Variants in NAT10 observed in about 807,000 individuals in gnomAD.
The protein encoded by NAT10 is N-acetyltransferase 10.
In NAT10, 109 loss-of-function variants were observed where a neutral mutation model predicts 132.2. That is an observed-to-expected ratio of 0.82 (90% CI 0.71 to 0.97). The LOEUF is 0.97. NAT10 is among the 50% of genes least tolerant of loss of function. The probability of loss-of-function intolerance (pLI) is 0.00; values close to 1 mark genes in which losing one functional copy is unlikely to be tolerated. For synonymous variants in NAT10, 479 were observed against 478.0 expected (o/e 1.00, Z -0.03); for missense variants, 1,184 against 1,263.4 (o/e 0.94, Z 0.95).
intron 10 of NAT10, 74 bp from the exon 11 acceptor site, chr11:34,124,228 A>C: frequency 1.0e-6 from 1 of 960,108 alleles, no homozygotes; most frequent in Non-Finnish European, 1.6e-6. Context: ...TCTTTAGAAT[A>C]CTTGCTTACT....
At chr11:34,126,801 A>G (rs1852002030) in intron 11 of NAT10, among the ~76,000 whole-genome samples, 1 of 152,264 alleles carries the variant, frequency 6.6e-6, no homozygotes, top group Admixed American at 6.5e-5. Flanking sequence ...AAACCACTTT[A>G]AAATTAGCAG....
chr11:34,142,257 A>G lies in NAT10; in HGVS notation c.2812-18A>G. 1 of 1,612,868 alleles carries G rather than the reference A, an allele frequency of 6.2e-7. No individual in the cohort carries two copies. The highest frequency in any genetic ancestry group is 1.7e-5 in the Admixed American group (1 of 59,994). ...TCCTTGACTCTGACTTAGTCTCTTT[A>G]TGGGTCCTTAACCACAGGATGAAGC... On this transcript the variant is annotated intron_variant, in intron 26 of 28. Transcript: ENST00000257829.
At chr11:34,141,424 A>G (rs972911247) in intron 25 of NAT10, among the ~76,000 whole-genome samples, 1 of 151,326 alleles carries the variant, frequency 6.6e-6, no homozygotes, top group East Asian at 1.9e-4. Context: ...ACACACACAC[A>G]CACACACACA....
At chr11:34,142,371 G>C (rs749942221) in intron 27 of NAT10, 23 bp downstream of exon 27, 2 of 1,609,624 alleles carry the variant, frequency 1.2e-6, no homozygotes, top group Non-Finnish European at 1.7e-6. Flanking sequence ...GGAAGCAGAG[G>C]GTTTGCCTTG....
intron 6 of NAT10, among the ~76,000 whole-genome samples, chr11:34,116,543 G>C (rs572683564): frequency 6.6e-6 from 1 of 151,128 alleles, no homozygotes; most frequent in Non-Finnish European, 1.5e-5. Context: ...TCAGCCTCCC[G>C]AGTAGCTGGG....
intron 9 of NAT10, 103 bp downstream of exon 9, chr11:34,122,695 T>G: frequency 6.8e-7 from 1 of 1,463,970 alleles, no homozygotes; most frequent in South Asian, 1.2e-5. Context: ...TAGTTCTGAG[T>G]TCTGAGTGGG....
Position 34,133,051 on chromosome 11 carries a change from T to C in NAT10, c.1643T>C (p.Leu548Pro). 6.2e-7 allele frequency: 1 copy of C among 1,614,112 alleles called. No individual in the cohort carries two copies. The highest frequency in any genetic ancestry group is 8.5e-7 in the Non-Finnish European group (1 of 1,179,976). Residue 548 changes from leucine to proline, a missense_variant, in exon 16 of 29, where the codon CTC (leucine) becomes CCC (proline). Coordinates refer to ENST00000257829, the MANE Select transcript of NAT10 (RefSeq NM_024662.3). ...AACTCTCCCAATGATCTCCAGATGC[T>C]CTCCGATGCACCTGCTCACCATCTC... Reference protein sequence around the residue: ...YKNSPNDLQMLSDAPAHHLFC... With the variant: ...YKNSPNDLQMPSDAPAHHLFC...
intron 11 of NAT10, among the ~76,000 whole-genome samples, chr11:34,125,962 CAG>C (rs1360809388): frequency 1.3e-5 from 2 of 152,152 alleles, no homozygotes; most frequent in South Asian, 2.1e-4. Context: ...GCCTGGGCGA[CAG>C]AGTGAGGCTT....
chr11:34,115,226 A>G (rs549995921), intron 5 of NAT10, among the ~76,000 whole-genome samples: 2 of 152,294 alleles, frequency 1.3e-5, no homozygotes, highest in African/African-American at 4.8e-5. Flanking sequence ...GCATTTCCAG[A>G]TCTTAGAAGA....
At position 34,136,995 on chromosome 11, in the gene NAT10, G is replaced by T. The variant is rs777816489; in HGVS notation, c.2180G>T (p.Gly727Val). The T allele has an allele frequency of 1.2e-6, 2 of 1,614,196 alleles. No homozygotes were observed. The highest frequency in any genetic ancestry group is 3.3e-5 in the Admixed American group (2 of 60,024). Residue 727 changes from glycine (G) to valine (V), a missense_variant, in exon 21 of 29, where the codon GGA becomes GTA. Coordinates refer to ENST00000257829, the MANE Select transcript of NAT10 (RefSeq NM_024662.3). ...CTTTGCAGGTTCTGGAAACGAGCTG[G>T]ATTTGTTCCTGTTTATCTGAGACAG... ...PRLLKFWKRA[G>V]FVPVYLRQTP...
intron 14 of NAT10, 35 bp from the exon 15 acceptor site, chr11:34,132,090 T>G: frequency 6.7e-7 from 1 of 1,488,942 alleles, no homozygotes; most frequent in Non-Finnish European, 9.4e-7. Flanking sequence ...TCTTCGGCTA[T>G]TTGTTTTGTT....
chr11:34,108,082 C>G (rs551324560), intron 1 of NAT10, 129 bp from the exon 2 acceptor site: 11 of 601,922 alleles, frequency 1.8e-5, no homozygotes, highest in South Asian at 8.8e-5. Context: ...CTGTGGAGCT[C>G]GTAGAGGGTT....
At chr11:34,127,424 G>A (rs1464167945) in intron 11 of NAT10, 39 bp from the exon 12 acceptor site, 1 of 1,568,496 alleles carries the variant, frequency 6.4e-7, no homozygotes, top group South Asian at 1.1e-5. Context: ...TGTGACATGA[G>A]TTCACTATGC....
intron 11 of NAT10, among the ~76,000 whole-genome samples, chr11:34,126,013 C>T (rs1000007791): frequency 3.9e-5 from 6 of 152,050 alleles, no homozygotes; most frequent in Admixed American, 2.0e-4. Flanking sequence ...GTGGGGTTGC[C>T]GCCTCCCTGG....
chr11:34,139,036 G>A, intron 21 of NAT10, 155 bp from the exon 22 acceptor site: 1 of 625,026 alleles, frequency 1.6e-6, no homozygotes, highest in Non-Finnish European at 2.8e-6. Flanking sequence ...TGAAGGCGAG[G>A]GCTGTTTGAG....
chr11:34,137,818 G>T (rs1852245015), intron 21 of NAT10, among the ~76,000 whole-genome samples: 1 of 152,222 alleles, frequency 6.6e-6, no homozygotes, highest in Non-Finnish European at 1.5e-5. Context: ...AGAAAGTCGG[G>T]TGTGGTGTCA....
chr11:34,140,507 C>T lies in NAT10; in HGVS notation c.2527C>T (p.Pro843Ser). Residue 843 changes from proline to serine, a missense_variant, in exon 24 of 29, where the codon CCG becomes TCG. Coordinates refer to ENST00000257829, the MANE Select transcript of NAT10 (RefSeq NM_024662.3). ...CTATCACCTCATCATGGACATGATC[C>T]CGGCCATCTCTCGCATCTATTTCCT... ...VDYHLIMDMI[P>S]AISRIYFLNQ... 6.2e-7 allele frequency: 1 copy of T among 1,614,156 alleles called. No homozygotes were observed. The highest frequency in any genetic ancestry group is 8.5e-7 in the Non-Finnish European group (1 of 1,180,022).
At position 34,124,293 on chromosome 11, in the gene NAT10, C is replaced by T. The variant is rs1428089851; in HGVS notation, c.1009-9C>T. 1.3e-6 allele frequency: 2 copies of T among 1,589,068 alleles called. No individual in the cohort carries two copies. Among genetic ancestry groups the T allele is most frequent in the South Asian group, 2.3e-5 (2 of 88,470 alleles). On this transcript the variant is annotated splice_polypyrimidine_tract_variant and intron_variant, in intron 10 of 28. Transcript: ENST00000257829. ...TCTAAAGTTTGTCATTGGTTTGACT[C>T]CCCACCAGGAACATCTGGATTATGA...
At position 34,130,955 on chromosome 11, in the gene NAT10, C is replaced by A. The variant is rs527347310; in HGVS notation, c.1369+18C>A. The A allele has an allele frequency of 1.1e-5, 18 of 1,613,320 alleles. No homozygotes were observed. In the South Asian group the frequency reaches 2.0e-4, roughly 18 times the overall value. On this transcript the variant is annotated intron_variant, in intron 13 of 28. Coordinates refer to ENST00000257829, the MANE Select transcript of NAT10 (RefSeq NM_024662.3). ...GGCATCAGGTACCCCAGAACCTGAC[C>A]CGGGTCCCGCGGTTCACAGCAAGGC...
Sources: gnomAD v4.1 joint callset for allele counts (sites outside exome capture counted in the v4.1 genomes callset) on GRCh38, gnomAD v4.1.1 for gene constraint, MANE v1.5 for transcripts, NCBI Gene and HGNC (gene_info 2026-07-23, HGNC 2026-07-21) for gene names.